Variants in CNTN1 observed in about 807,000 individuals in gnomAD.
The protein encoded by CNTN1 is contactin-1.
In CNTN1, 38 loss-of-function variants were observed where a neutral mutation model predicts 126.4. The observed-to-expected ratio is 0.30, with a 90% CI of 0.23 to 0.39. The LOEUF is 0.39. CNTN1 is among the 10% of genes least tolerant of loss of function. CNTN1 has a pLI of 1.00. For synonymous variants in CNTN1, 413 were observed against 422.6 expected (o/e 0.98, Z 0.28); for missense variants, 1,009 against 1,248.4 (o/e 0.81, Z 2.89).
At chr12:40,779,029 ACAGT>A (rs1374132563) in intron 1 of CNTN1, among the ~76,000 whole-genome samples, 4 of 151,782 alleles carry the variant, frequency 2.6e-5, no homozygotes, top group Admixed American at 6.6e-5. Context: ...AAAAATATGA[ACAGT>A]CAGGTAGATG....
At chr12:40,870,655 G>T (rs1943453688) in intron 1 of CNTN1, among the ~76,000 whole-genome samples, 1 of 151,944 alleles carries the variant, frequency 6.6e-6, no homozygotes, top group South Asian at 2.1e-4. Context: ...GTAGGGAAAG[G>T]TTATGGGTGA....
At chr12:41,052,659 C>A (rs560444633) in intron 23 of CNTN1, among the ~76,000 whole-genome samples, 336 of 151,988 alleles carry the variant, frequency 2.2e-3, no homozygotes, top group African/African-American at 7.8e-3. Flanking sequence ...TATATTTTAT[C>A]CCCCAAAGAA....
intron 15 of CNTN1, among the ~76,000 whole-genome samples, chr12:40,975,178 T>TTATA (rs58939653): frequency 0.017 from 803 of 47,582 alleles, 8 homozygotes; most frequent in Middle Eastern, 0.039. Context: ...GTAAAATGGA[T>TTATA]TATATATATA....
chr12:40,817,097 G>A (rs1207116306), intron 1 of CNTN1, among the ~76,000 whole-genome samples: 1 of 152,234 alleles, frequency 6.6e-6, no homozygotes, highest in Non-Finnish European at 1.5e-5. Context: ...TAAGTGCCAT[G>A]TGGCACTGAG....
intron 1 of CNTN1, among the ~76,000 whole-genome samples, chr12:40,830,369 G>A (rs1381154155): frequency 6.6e-6 from 1 of 151,822 alleles, no homozygotes; most frequent in Non-Finnish European, 1.5e-5. Context: ...GATTATTATG[G>A]CAACATATAA....
intron 14 of CNTN1, among the ~76,000 whole-genome samples, chr12:40,954,597 C>G (rs1946806289): frequency 6.6e-6 from 1 of 152,114 alleles, no homozygotes; most frequent in African/African-American, 2.4e-5. Flanking sequence ...GTCCCCCAAA[C>G]CACCCTCACT....
intron 23 of CNTN1, among the ~76,000 whole-genome samples, chr12:41,031,680 A>G (rs1301321457): frequency 6.6e-6 from 1 of 152,022 alleles, no homozygotes; most frequent in Non-Finnish European, 1.5e-5. Context: ...GATATTTTTC[A>G]TATTTTTCTC....
At chr12:41,006,581 C>A (rs569825783) in intron 17 of CNTN1, among the ~76,000 whole-genome samples, 4 of 152,270 alleles carry the variant, frequency 2.6e-5, no homozygotes, top group African/African-American at 9.6e-5. Flanking sequence ...CATACTTCAC[C>A]AAAGAATTTA....
intron 17 of CNTN1, among the ~76,000 whole-genome samples, chr12:41,002,121 TA>T: frequency 6.6e-6 from 1 of 152,084 alleles, no homozygotes; most frequent in Non-Finnish European, 1.5e-5. Flanking sequence ...TATTTTATTT[TA>T]TTTTTTTGGT....
intron 15 of CNTN1, among the ~76,000 whole-genome samples, chr12:40,970,673 T>C (rs555392617): frequency 1.3e-5 from 2 of 152,116 alleles, no homozygotes; most frequent in Non-Finnish European, 2.9e-5. Context: ...GATTACATGG[T>C]TTTCTATAAC....
intron 9 of CNTN1, 69 bp downstream of exon 9, chr12:40,933,947 A>G (rs1348775997): frequency 1.7e-6 from 2 of 1,158,280 alleles, no homozygotes; most frequent in African/African-American, 1.5e-5. Flanking sequence ...CCATACATGA[A>G]AAACTACTAT....
chr12:40,972,179 C>A, intron 15 of CNTN1: 1 of 985,304 alleles, frequency 1.0e-6, no homozygotes, highest in Non-Finnish European at 1.2e-6. Flanking sequence ...GATGACTAAG[C>A]CATTAACAGC....
intron 1 of CNTN1, among the ~76,000 whole-genome samples, chr12:40,781,737 G>T (rs1939813949): frequency 6.6e-6 from 1 of 151,870 alleles, no homozygotes; most frequent in Non-Finnish European, 1.5e-5. Context: ...AGAATAAAAG[G>T]CCCTAAATTT....
intron 1 of CNTN1, among the ~76,000 whole-genome samples, chr12:40,809,265 C>G (rs949933206): frequency 6.6e-6 from 1 of 152,150 alleles, no homozygotes; most frequent in African/African-American, 2.4e-5. Context: ...GAAATTACAG[C>G]TGCTAGTTTC....
At chr12:40,905,912 T>C (rs989848932) in intron 1 of CNTN1, among the ~76,000 whole-genome samples, 4 of 152,240 alleles carry the variant, frequency 2.6e-5, no homozygotes, top group Non-Finnish European at 4.4e-5. Flanking sequence ...TAGATAACGA[T>C]GTCATGCACA....
chr12:40,961,880 G>A (rs1457120918), intron 15 of CNTN1, among the ~76,000 whole-genome samples: 1 of 151,930 alleles, frequency 6.6e-6, no homozygotes, highest in East Asian at 1.9e-4. Context: ...AAAATTACAT[G>A]TTTGTAAAAA....
chr12:40,958,003 A>G (rs1357923565), intron 14 of CNTN1, among the ~76,000 whole-genome samples: 1 of 152,112 alleles, frequency 6.6e-6, no homozygotes, highest in Non-Finnish European at 1.5e-5. Flanking sequence ...ATGATACATC[A>G]TAGGTATCTA....
chr12:40,736,113 C>T (rs1736873879), intron 1 of CNTN1, among the ~76,000 whole-genome samples: 1 of 151,956 alleles, frequency 6.6e-6, no homozygotes, highest in South Asian at 2.1e-4. Flanking sequence ...ACTCTGTGAG[C>T]CAGGGCCAGT....
intron 4 of CNTN1, among the ~76,000 whole-genome samples, chr12:40,921,088 C>T (rs141396454): frequency 2.0e-5 from 3 of 152,124 alleles, no homozygotes; most frequent in Admixed American, 2.0e-4. Context: ...AAGAGGAAGG[C>T]TTTATTCATT....
Sources: gnomAD v4.1 joint callset for allele counts (sites outside exome capture counted in the v4.1 genomes callset) on GRCh38, gnomAD v4.1.1 for gene constraint, MANE v1.5 for transcripts, NCBI Gene and HGNC (gene_info 2026-07-23, HGNC 2026-07-21) for gene names.